Variants in NAALADL2 observed in about 807,000 individuals in gnomAD.
NAALADL2 encodes the protein inactive N-acetylated-alpha-linked acidic dipeptidase-like protein 2.
A neutral mutation model predicts 87.2 loss-of-function variants in NAALADL2; 76 were observed. The ratio of observed to expected loss-of-function variants is 0.87; its 90% CI spans 0.72 to 1.05. The LOEUF is 1.05. Among genes scored for constraint, NAALADL2 ranks in the 50% least tolerant of loss-of-function variants. NAALADL2 has a pLI of 0.00. For missense variants in NAALADL2, 1,089 were observed against 945.8 expected (o/e 1.15, Z -1.99); for synonymous variants, 354 against 331.0 (o/e 1.07, Z -0.75).
chr3:175,581,113 T>C, intron 10 of NAALADL2: 2 of 359,454 alleles, frequency 5.6e-6, no homozygotes, highest in Non-Finnish European at 1.1e-5. Context: ...ATGAGAAGAG[T>C]GATGTTATCT....
chr3:174,778,832 T>C (rs548173728), intron 3 of NAALADL2, among the ~76,000 whole-genome samples: 6 of 152,334 alleles, frequency 3.9e-5, no homozygotes, highest in African/African-American at 1.2e-4. Context: ...GGCTGCATAG[T>C]ATTCCATGGT....
At chr3:174,478,465 T>G (rs1434786681) in intron 1 of NAALADL2, among the ~76,000 whole-genome samples, 1 of 152,100 alleles carries the variant, frequency 6.6e-6, no homozygotes, top group Non-Finnish European at 1.5e-5. Context: ...TTGTTTAAAC[T>G]ATGGAAAATG....
chr3:175,754,929 T>C (rs1747061956), intron 12 of NAALADL2, among the ~76,000 whole-genome samples: 1 of 152,174 alleles, frequency 6.6e-6, no homozygotes, highest in Non-Finnish European at 1.5e-5. Context: ...CTTAATTTAG[T>C]AAAATATAAA....
intron 3 of NAALADL2, among the ~76,000 whole-genome samples, chr3:175,240,784 T>G (rs968933569): frequency 6.6e-6 from 1 of 152,120 alleles, no homozygotes; most frequent in African/African-American, 2.4e-5. Flanking sequence ...GCCTCCCGAG[T>G]AGCTGGGATT....
chr3:175,650,828 A>G (rs1730665355), intron 11 of NAALADL2, among the ~76,000 whole-genome samples: 1 of 152,206 alleles, frequency 6.6e-6, no homozygotes, highest in African/African-American at 2.4e-5. Flanking sequence ...TATACTAGGA[A>G]AGGAAACATT....
At chr3:175,270,047 AAAAT>A (rs1401367241) in intron 4 of NAALADL2, among the ~76,000 whole-genome samples, 10 of 152,218 alleles carry the variant, frequency 6.6e-5, no homozygotes, top group African/African-American at 2.4e-4. Flanking sequence ...AAAAATTTTC[AAAAT>A]AAATAAATGT....
rs1311448239 is a variant in NAALADL2, at chr3:175,803,673, CTGAG to C, written c.*474_*477del. 3 of 152,720 alleles carry C rather than the reference CTGAG, an allele frequency of 2.0e-5. No homozygotes were observed. Among genetic ancestry groups the C allele is most frequent in the African/African-American group, 7.2e-5 (3 of 41,528 alleles). The allele number at this position is 152,720 out of a possible 1,614,324, so 9.5% of individuals were successfully genotyped here. ...AATATGAAGAATTCAAGTATTCTGA[CTGAG>C]TGATTGGTTGACCTAAACCACTTTG... On this transcript the variant is annotated 3_prime_UTR_variant, in exon 14 of 14. Transcript: ENST00000454872.
chr3:175,793,694 C>T (rs114694808), intron 13 of NAALADL2, among the ~76,000 whole-genome samples: 1 of 152,072 alleles, frequency 6.6e-6, no homozygotes, highest in South Asian at 2.1e-4. Context: ...TAAATAACCT[C>T]ATACCATATA....
chr3:175,761,784 C>T lies in NAALADL2; in HGVS notation c.2189+6366C>T, dbSNP rs578152508. On this transcript the variant is annotated intron_variant, in intron 13 of 13. Transcript: ENST00000454872. Reference sequence around the variant, plus strand: ...TGCATCTTTTCATATGCTTATTTGCCGTCTATATATTTTATTTGATGTGAT... The same window carrying T: ...TGCATCTTTTCATATGCTTATTTGCTGTCTATATATTTTATTTGATGTGAT... Among the ~76,000 whole-genome samples, 6 of 152,014 alleles carry T rather than the reference C, an allele frequency of 3.9e-5. No individual in the cohort carries two copies. The South Asian group carries it at 6.2e-4, about 16-fold the overall frequency.
At chr3:175,516,582 T>C (rs1200128102) in intron 9 of NAALADL2, among the ~76,000 whole-genome samples, 2 of 152,188 alleles carry the variant, frequency 1.3e-5, no homozygotes, top group African/African-American at 4.8e-5. Flanking sequence ...AAAACTGATA[T>C]TGGAACAACT....
chr3:174,987,327 T>C (rs1236466597), intron 1 of NAALADL2, among the ~76,000 whole-genome samples: 1 of 151,760 alleles, frequency 6.6e-6, no homozygotes, highest in Non-Finnish European at 1.5e-5. Context: ...CCCAGCACTT[T>C]GGGAGGCCGA....
intron 1 of NAALADL2, among the ~76,000 whole-genome samples, chr3:174,889,100 A>T (rs569185894): frequency 2.6e-4 from 40 of 152,268 alleles, no homozygotes; most frequent in African/African-American, 9.6e-4. Context: ...ATTGTAGTGG[A>T]TAACTTCTGT....
chr3:174,801,648 C>T (rs1197015486), intron 3 of NAALADL2, among the ~76,000 whole-genome samples: 4 of 152,066 alleles, frequency 2.6e-5, no homozygotes, highest in Admixed American at 2.6e-4. Flanking sequence ...TGCCCTTTAT[C>T]AATTTGAGGA....
chr3:175,769,001 T>A (rs1237484185), intron 13 of NAALADL2, among the ~76,000 whole-genome samples: 1 of 152,180 alleles, frequency 6.6e-6, no homozygotes, highest in Non-Finnish European at 1.5e-5. Flanking sequence ...GGATATTTAA[T>A]ATTTGCTATT....
chr3:175,798,707 G>T (rs963170042), intron 13 of NAALADL2, among the ~76,000 whole-genome samples: 4 of 151,884 alleles, frequency 2.6e-5, no homozygotes, highest in Admixed American at 6.6e-5. Context: ...TTTTTAGGAT[G>T]TATTTTTATT....
chr3:174,597,597 A>G (rs947665452), intron 2 of NAALADL2, among the ~76,000 whole-genome samples: 1 of 152,052 alleles, frequency 6.6e-6, no homozygotes, highest in Non-Finnish European at 1.5e-5. Flanking sequence ...TCGCATTTTC[A>G]TCTCCATATT....
At chr3:174,974,878 T>C (rs1464700111) in intron 1 of NAALADL2, among the ~76,000 whole-genome samples, 6 of 152,174 alleles carry the variant, frequency 3.9e-5, no homozygotes, top group Admixed American at 2.6e-4. Context: ...GATGTGGTTA[T>C]ATGTCTAATC....
At chr3:175,080,241 G>A (rs1162459999) in intron 1 of NAALADL2, among the ~76,000 whole-genome samples, 1 of 152,204 alleles carries the variant, frequency 6.6e-6, no homozygotes. Context: ...TGGGATTACA[G>A]GCGTGAGCCA....
At chr3:175,799,017 T>G (rs1332321140) in intron 13 of NAALADL2, among the ~76,000 whole-genome samples, 1 of 152,086 alleles carries the variant, frequency 6.6e-6, no homozygotes, top group Non-Finnish European at 1.5e-5. Flanking sequence ...CTAGTTGCAA[T>G]GTTACAACTC....
Sources: gnomAD v4.1 joint callset for allele counts (sites outside exome capture counted in the v4.1 genomes callset) on GRCh38, gnomAD v4.1.1 for gene constraint, MANE v1.5 for transcripts, NCBI Gene and HGNC (gene_info 2026-07-23, HGNC 2026-07-21) for gene names.